NKAIN3: variants seen among roughly 807,000 people sequenced by gnomAD.
NKAIN3 encodes sodium/potassium-transporting ATPase subunit beta-1-interacting protein 3.
In NKAIN3, 25 loss-of-function variants were observed where a neutral mutation model predicts 30.2. That is an observed-to-expected ratio of 0.83 (90% CI 0.60 to 1.16). The LOEUF (loss-of-function observed/expected upper bound fraction) is 1.16, where lower values mean the gene tolerates loss of function less well. Ranked by LOEUF, NKAIN3 falls within the 50% of genes most tolerant of loss-of-function variation. NKAIN3 has a pLI of 0.00. For synonymous variants in NKAIN3, 91 were observed against 89.6 expected (o/e 1.02, Z -0.09); for missense variants, 225 against 254.1 (o/e 0.89, Z 0.78).
chr8:62,466,096 G>A (rs10957224), intron 1 of NKAIN3, among the ~76,000 whole-genome samples: 50,316 of 151,914 alleles, frequency 0.33, 9,618 homozygotes, highest in South Asian at 0.45. Flanking sequence ...TTCTAGATTG[G>A]GTGAATCTCA....
chr8:62,803,808 A>C (rs1259787223), intron 4 of NKAIN3, among the ~76,000 whole-genome samples: 1 of 152,338 alleles, frequency 6.6e-6, no homozygotes, highest in African/African-American at 2.4e-5. Flanking sequence ...CCCTTTAAAA[A>C]ATTAATGAAT....
intron 3 of NKAIN3, among the ~76,000 whole-genome samples, chr8:62,729,024 C>CAAAAAAAAAAAAAAAAAA (rs71501600): frequency 6.1e-5 from 1 of 16,446 alleles, no homozygotes; most frequent in Non-Finnish European, 1.2e-4. Context: ...ACAAACAAAC[C>CAAAAAAAAAAAAAAAAAA]AAAAAAAAAA....
At chr8:62,887,398 G>T (rs1236572718) in intron 4 of NKAIN3, among the ~76,000 whole-genome samples, 1 of 151,962 alleles carries the variant, frequency 6.6e-6, no homozygotes, top group Non-Finnish European at 1.5e-5. Flanking sequence ...TCTGTGGGTT[G>T]ATATCTGATA....
rs1295740913 is a variant in NKAIN3, at chr8:62,966,552, T to C, written c.*1145T>C. ...TCAATCAAAATGCAGAACATTTCCG[T>C]CACTTTAAAAAATTCCCTTATGCCC... is the stretch of plus-strand genomic sequence containing the variant. On this transcript the variant is annotated 3_prime_UTR_variant, in exon 7 of 7. Transcript: ENST00000623646. The C allele has an allele frequency of 8.6e-6, 2 of 232,180 alleles. No homozygotes were observed. The highest frequency in any genetic ancestry group is 1.4e-5 in the Non-Finnish European group (2 of 141,216). 14.4% of individuals were successfully genotyped at this position (232,180 alleles called of 1,614,324 possible). A position where few individuals can be genotyped will look rare whatever the true frequency, so the allele number is the denominator to read the frequency against.
At chr8:62,781,891 T>C (rs1817363771) in intron 4 of NKAIN3, among the ~76,000 whole-genome samples, 1 of 151,856 alleles carries the variant, frequency 6.6e-6, no homozygotes, top group Admixed American at 6.6e-5. Flanking sequence ...TAGGCAAAAA[T>C]TTTATGGCTA....
chr8:62,251,513 A>G (rs1404781960), intron 1 of NKAIN3, among the ~76,000 whole-genome samples: 1 of 152,194 alleles, frequency 6.6e-6, no homozygotes, highest in Non-Finnish European at 1.5e-5. Context: ...CTTTAAGAAA[A>G]AAGAGGAAAG....
At chr8:62,683,360 C>A (rs1304375683) in intron 3 of NKAIN3, among the ~76,000 whole-genome samples, 1 of 152,074 alleles carries the variant, frequency 6.6e-6, no homozygotes, top group East Asian at 1.9e-4. Context: ...TAATGATACT[C>A]GCTGTTGCTT....
intron 1 of NKAIN3, among the ~76,000 whole-genome samples, chr8:62,256,039 T>C (rs934108139): frequency 1.3e-5 from 2 of 152,124 alleles, no homozygotes; most frequent in Non-Finnish European, 2.9e-5. Context: ...CTAAGGCTAT[T>C]AGGAGCAAAC....
At chr8:62,866,227 G>A (rs549751831) in intron 4 of NKAIN3, among the ~76,000 whole-genome samples, 5 of 152,242 alleles carry the variant, frequency 3.3e-5, no homozygotes, top group Admixed American at 1.3e-4. Context: ...TGTTCATTGT[G>A]TCGAATGAAA....
chr8:62,857,559 T>A (rs559057430), intron 4 of NKAIN3, among the ~76,000 whole-genome samples: 2 of 152,354 alleles, frequency 1.3e-5, no homozygotes, highest in South Asian at 4.1e-4. Context: ...CATTCTTTTT[T>A]ATCTATTCTT....
chr8:62,263,618 G>A (rs916324147), intron 1 of NKAIN3, among the ~76,000 whole-genome samples: 2 of 152,100 alleles, frequency 1.3e-5, no homozygotes, highest in African/African-American at 4.8e-5. Flanking sequence ...TTAATGTGAC[G>A]TAACTTAATC....
chr8:62,892,710 T>C (rs1821328682), intron 4 of NKAIN3, among the ~76,000 whole-genome samples: 1 of 152,314 alleles, frequency 6.6e-6, no homozygotes, highest in East Asian at 1.9e-4. Flanking sequence ...AAAATAGTTG[T>C]TTAATTTGGT....
intron 1 of NKAIN3, among the ~76,000 whole-genome samples, chr8:62,336,467 C>T (rs926566371): frequency 1.3e-5 from 2 of 152,022 alleles, no homozygotes; most frequent in African/African-American, 4.8e-5. Flanking sequence ...AAAGGCTTCA[C>T]CAACAGTCTT....
At chr8:62,842,803 T>C (rs929952046) in intron 4 of NKAIN3, among the ~76,000 whole-genome samples, 2 of 152,054 alleles carry the variant, frequency 1.3e-5, no homozygotes, top group African/African-American at 4.8e-5. Flanking sequence ...AAACCAGTTA[T>C]CCACATTCAG....
At chr8:62,943,429 A>G (rs1161167502) in intron 5 of NKAIN3, among the ~76,000 whole-genome samples, 1 of 152,206 alleles carries the variant, frequency 6.6e-6, no homozygotes, top group Admixed American at 6.5e-5. Flanking sequence ...GAACACTTTT[A>G]TACTGCTGGT....
chr8:62,912,883 TGG>T (rs1246369055), intron 4 of NKAIN3, among the ~76,000 whole-genome samples: 1 of 152,012 alleles, frequency 6.6e-6, no homozygotes, highest in Non-Finnish European at 1.5e-5. Flanking sequence ...CACTCCAGCC[TGG>T]GCAACAAGAG....
intron 4 of NKAIN3, among the ~76,000 whole-genome samples, chr8:62,916,360 A>G (rs992757600): frequency 1.3e-5 from 2 of 152,230 alleles, no homozygotes; most frequent in Non-Finnish European, 2.9e-5. Flanking sequence ...TCATAAGAGT[A>G]TAAGTGATAT....
At chr8:62,300,066 CTA>C (rs1813991196) in intron 1 of NKAIN3, among the ~76,000 whole-genome samples, 1 of 151,906 alleles carries the variant, frequency 6.6e-6, no homozygotes, top group Admixed American at 6.6e-5. Flanking sequence ...TTTTCACGTC[CTA>C]TAGTAGCTGT....
At chr8:62,861,580 A>G (rs1448664756) in intron 4 of NKAIN3, among the ~76,000 whole-genome samples, 1 of 152,186 alleles carries the variant, frequency 6.6e-6, no homozygotes, top group Non-Finnish European at 1.5e-5. Flanking sequence ...TACTGTTCCT[A>G]ACACAGAAAT....
Sources: allele counts gnomAD v4.1 joint callset (sites outside exome capture counted in the v4.1 genomes callset), GRCh38; gene constraint gnomAD v4.1.1; transcripts MANE v1.5; gene names NCBI Gene and HGNC (gene_info 2026-07-23, HGNC 2026-07-21).